Variants in IFT80 observed in about 807,000 individuals in gnomAD.
IFT80 encodes intraflagellar transport 80, also known as intraflagellar transport protein 80 homolog.
Under a neutral mutation model 107.9 loss-of-function variants are expected in IFT80, and 79 were observed. The observed-to-expected ratio is 0.73, with a 90% CI of 0.61 to 0.88. The LOEUF (loss-of-function observed/expected upper bound fraction) is 0.88, where lower values mean the gene tolerates loss of function less well. IFT80 is among the 40% of genes least tolerant of loss of function. IFT80 has a pLI of 0.00. For missense variants in IFT80, 797 were observed against 914.2 expected, an observed-to-expected ratio of 0.87 and a Z score of 1.65; for synonymous variants, 299 against 300.9, an observed-to-expected ratio of 0.99 and a Z score of 0.07.
chr3:160,306,751 C>T (rs912943006), intron 10 of IFT80, among the ~76,000 whole-genome samples: 29 of 152,132 alleles, frequency 1.9e-4, no homozygotes, highest in Non-Finnish European at 5.9e-5. Flanking sequence ...ATAGTTGTAG[C>T]AGTTGTTATT....
chr3:160,283,980 C>T (rs913796205), intron 13 of IFT80, among the ~76,000 whole-genome samples: 5 of 152,250 alleles, frequency 3.3e-5, no homozygotes, highest in African/African-American at 1.2e-4. Context: ...TACTAATACA[C>T]AGACTTGAGT....
Position 160,381,266 on chromosome 3 carries a change from T to TATATATATATATATATATATA in IFT80, c.259+236_259+237insTATATATATATATATATATAT, listed in dbSNP as rs1553766638. On this transcript the variant is annotated intron_variant, in intron 3 of 19. Transcript: ENST00000326448. ...TATATATATATATATATATATATAT[T>TATATATATATATATATATATA]AAAGCCAAAGACCCATATTCAATCC... Among the ~76,000 whole-genome samples, 136 of 70,650 alleles carry TATATATATATATATATATATA rather than the reference T, an allele frequency of 1.9e-3. 7 individuals are homozygous for TATATATATATATATATATATA. The highest frequency in any genetic ancestry group is 3.6e-3 in the Non-Finnish European group (107 of 29,560). 46.3% of individuals were successfully genotyped at this position (70,650 alleles called of 152,430 possible).
At chr3:160,269,039 GC>G (rs1412322077) in intron 18 of IFT80, among the ~76,000 whole-genome samples, 2 of 152,056 alleles carry the variant, frequency 1.3e-5, no homozygotes, top group Admixed American at 6.6e-5. Context: ...GACTAGCCTG[GC>G]CAACATGGCG....
intron 8 of IFT80, among the ~76,000 whole-genome samples, chr3:160,354,232 T>G (rs6776582): frequency 0.14 from 21,955 of 152,182 alleles, 2,136 homozygotes; most frequent in Non-Finnish European, 0.21. Flanking sequence ...TCTAACATCC[T>G]GATGTTGTAA....
chr3:160,334,667 A>T (rs532080382), intron 8 of IFT80, among the ~76,000 whole-genome samples: 2 of 152,230 alleles, frequency 1.3e-5, no homozygotes, highest in Admixed American at 6.5e-5. Context: ...CGCCCTCCTC[A>T]GCATCCCAAA....
intron 11 of IFT80, among the ~76,000 whole-genome samples, chr3:160,302,567 G>A (rs1428958642): frequency 1.3e-5 from 2 of 151,936 alleles, no homozygotes; most frequent in African/African-American, 4.8e-5. Flanking sequence ...ATGATAGGCA[G>A]TAACTAAATT....
At chr3:160,321,639 T>C (rs901329857) in intron 8 of IFT80, among the ~76,000 whole-genome samples, 5 of 151,862 alleles carry the variant, frequency 3.3e-5, no homozygotes, top group African/African-American at 9.7e-5. Flanking sequence ...AGATTAACAA[T>C]GTCTAATAAT....
intron 1 of IFT80, among the ~76,000 whole-genome samples, chr3:160,390,003 G>C (rs895765541): frequency 6.6e-6 from 1 of 152,140 alleles, no homozygotes; most frequent in Non-Finnish European, 1.5e-5. Context: ...AAGGGACCAG[G>C]AGATTTTAGA....
At chr3:160,384,712 A>G (rs1216812334) in intron 1 of IFT80, 66 bp from the exon 2 acceptor site, 6 of 1,261,496 alleles carry the variant, frequency 4.8e-6, no homozygotes, top group Non-Finnish European at 6.7e-6. Flanking sequence ...ATACAAACAC[A>G]AAAGGCAAAC....
chr3:160,361,511 C>G (rs1721490433), intron 6 of IFT80, among the ~76,000 whole-genome samples: 1 of 152,160 alleles, frequency 6.6e-6, no homozygotes, highest in African/African-American at 2.4e-5. Context: ...GAACTCAGCT[C>G]TGCACCAAGC....
intron 1 of IFT80, among the ~76,000 whole-genome samples, chr3:160,389,006 G>A (rs1713154400): frequency 6.6e-6 from 1 of 152,198 alleles, no homozygotes; most frequent in African/African-American, 2.4e-5. Context: ...CATAACCCAA[G>A]TCAGATTTCT....
At chr3:160,375,964 G>T in intron 4 of IFT80, 84 bp from the exon 5 acceptor site, 1 of 831,394 alleles carries the variant, frequency 1.2e-6, no homozygotes, top group Non-Finnish European at 2.0e-6. Flanking sequence ...AGAATCAACA[G>T]TATCTACCGC....
chr3:160,398,096 T>C (rs1259781797), intron 1 of IFT80, among the ~76,000 whole-genome samples: 1 of 152,204 alleles, frequency 6.6e-6, no homozygotes, highest in Non-Finnish European at 1.5e-5. Flanking sequence ...CTTTTTTTCA[T>C]TAAGGTTTAT....
intron 11 of IFT80, among the ~76,000 whole-genome samples, chr3:160,303,184 T>A (rs1203530667): frequency 2.6e-5 from 4 of 152,198 alleles, no homozygotes; most frequent in African/African-American, 7.2e-5. Context: ...GTAGATATTT[T>A]AGGTAACTGT....
chr3:160,269,415 G>A (rs923433166), intron 18 of IFT80, among the ~76,000 whole-genome samples: 4 of 152,004 alleles, frequency 2.6e-5, no homozygotes, highest in African/African-American at 9.7e-5. Context: ...ACAAATTGAG[G>A]CTAAGAAGTC....
intron 8 of IFT80, 53 bp from the exon 9 acceptor site, chr3:160,319,992 G>C: frequency 7.1e-7 from 1 of 1,410,040 alleles, no homozygotes; most frequent in East Asian, 2.3e-5. Context: ...AAATTTTTAG[G>C]AAGTTTTAAA....
chr3:160,345,165 C>G (rs1425177473), intron 8 of IFT80, among the ~76,000 whole-genome samples: 3 of 152,040 alleles, frequency 2.0e-5, no homozygotes, highest in Non-Finnish European at 4.4e-5. Flanking sequence ...TCACAACGGG[C>G]AAGATGTGGA....
At chr3:160,348,569 G>C (rs1720458091) in intron 8 of IFT80, among the ~76,000 whole-genome samples, 1 of 152,282 alleles carries the variant, frequency 6.6e-6, no homozygotes, top group African/African-American at 2.4e-5. Flanking sequence ...ACTTGTCGTA[G>C]CAATTCTACT....
chr3:160,270,173 G>A (rs1713686823), intron 18 of IFT80, among the ~76,000 whole-genome samples: 1 of 152,182 alleles, frequency 6.6e-6, no homozygotes, highest in Non-Finnish European at 1.5e-5. Context: ...ATTAATTTTT[G>A]TATTTTTAGT....
Sources: allele counts gnomAD v4.1 joint callset (sites outside exome capture counted in the v4.1 genomes callset), GRCh38; gene constraint gnomAD v4.1.1; transcripts MANE v1.5; gene names NCBI Gene and HGNC (gene_info 2026-07-23, HGNC 2026-07-21).